Variants in DENND1A observed in about 807,000 individuals in gnomAD.
DENND1A encodes DENN domain-containing protein 1A.
DENND1A carries 51 observed loss-of-function variants against 113.7 expected under a neutral mutation model. The observed-to-expected ratio is 0.45, with a 90% CI of 0.36 to 0.57. The LOEUF is 0.57. DENND1A is among the 20% of genes least tolerant of loss of function. DENND1A has a pLI of 0.00. For synonymous variants in DENND1A, 565 were observed against 570.8 expected, an observed-to-expected ratio of 0.99 and a Z score of 0.14; for missense variants, 1,258 against 1,395.9, an observed-to-expected ratio of 0.90 and a Z score of 1.57.
intron 1 of DENND1A, among the ~76,000 whole-genome samples, chr9:123,904,680 G>A (rs569675099): frequency 0.071 from 10,674 of 150,320 alleles, 601 homozygotes; most frequent in African/African-American, 0.16. Context: ...AAAGAAATGA[G>A]CAAAGCCTCC....
At chr9:123,752,308 T>C (rs547017315) in intron 5 of DENND1A, among the ~76,000 whole-genome samples, 7 of 152,330 alleles carry the variant, frequency 4.6e-5, no homozygotes, top group African/African-American at 1.2e-4. Flanking sequence ...TCTGGGTATA[T>C]ACTAGGTACT....
intron 13 of DENND1A, among the ~76,000 whole-genome samples, chr9:123,493,915 T>C (rs940022834): frequency 1.3e-5 from 2 of 152,078 alleles, no homozygotes; most frequent in Non-Finnish European, 1.5e-5. Context: ...AGCAAACATC[T>C]TGGGAGAAGC....
chr9:123,580,055 T>C (rs2136632463), intron 12 of DENND1A, among the ~76,000 whole-genome samples: 1 of 152,304 alleles, frequency 6.6e-6, no homozygotes, highest in Admixed American at 6.5e-5. Flanking sequence ...TCAGCAACAA[T>C]TTTATTAAAA....
At chr9:123,503,046 C>G (rs1256012954) in intron 13 of DENND1A, among the ~76,000 whole-genome samples, 2 of 151,930 alleles carry the variant, frequency 1.3e-5, no homozygotes, top group African/African-American at 2.4e-5. Context: ...CCACTCACCT[C>G]TTAGGCTTTT....
chr9:123,883,536 C>G (rs1048629819), intron 1 of DENND1A, among the ~76,000 whole-genome samples: 14 of 152,176 alleles, frequency 9.2e-5, no homozygotes, highest in African/African-American at 3.1e-4. Flanking sequence ...TCTAACAAGT[C>G]TCCAAGTCAT....
intron 5 of DENND1A, among the ~76,000 whole-genome samples, chr9:123,703,533 C>G (rs1184557639): frequency 6.6e-6 from 1 of 151,904 alleles, no homozygotes; most frequent in Non-Finnish European, 1.5e-5. Context: ...AAACACACTA[C>G]TATAGAAAAA....
intron 13 of DENND1A, among the ~76,000 whole-genome samples, chr9:123,557,358 C>A (rs10986052): frequency 6.6e-6 from 1 of 152,044 alleles, no homozygotes. Context: ...CATAACAGCC[C>A]CCAGAGCAGT....
chr9:123,869,410 C>A (rs1846206816), intron 2 of DENND1A, among the ~76,000 whole-genome samples: 1 of 152,124 alleles, frequency 6.6e-6, no homozygotes, highest in East Asian at 1.9e-4. Flanking sequence ...ATTAGGCTCA[C>A]CTCCAGTTTA....
chr9:123,778,562 G>A (rs536754176), intron 3 of DENND1A, among the ~76,000 whole-genome samples: 19 of 152,240 alleles, frequency 1.2e-4, no homozygotes, highest in Non-Finnish European at 2.1e-4. Context: ...GGAAGGAGCC[G>A]GCAAACTTTT....
intron 1 of DENND1A, among the ~76,000 whole-genome samples, chr9:123,920,042 G>T (rs1855937614): frequency 6.6e-6 from 1 of 152,110 alleles, no homozygotes; most frequent in Non-Finnish European, 1.5e-5. Flanking sequence ...TGGGAATTTG[G>T]GGGCTCATTA....
At chr9:123,587,414 T>C (rs2059231567) in intron 11 of DENND1A, among the ~76,000 whole-genome samples, 1 of 152,172 alleles carries the variant, frequency 6.6e-6, no homozygotes, top group African/African-American at 2.4e-5. Flanking sequence ...AAAAGCTGGT[T>C]ACAAACAATC....
chr9:123,699,570 T>G (rs914020505), intron 5 of DENND1A, among the ~76,000 whole-genome samples: 7 of 152,106 alleles, frequency 4.6e-5, no homozygotes, highest in Non-Finnish European at 8.8e-5. Flanking sequence ...GATAATTATT[T>G]TCTTCTTCTG....
At chr9:123,435,240 G>A (rs1031263409) in intron 19 of DENND1A, among the ~76,000 whole-genome samples, 1 of 152,148 alleles carries the variant, frequency 6.6e-6, no homozygotes, top group Non-Finnish European at 1.5e-5. Context: ...ACTCTCTCAG[G>A]GCACTCAGAG....
chr9:123,541,679 A>C (rs1166398434), intron 13 of DENND1A, among the ~76,000 whole-genome samples: 1 of 152,184 alleles, frequency 6.6e-6, no homozygotes, highest in Non-Finnish European at 1.5e-5. Context: ...GGTTTCCAAA[A>C]ATCCTGCCAC....
At chr9:123,579,151 T>C (rs1042552994) in intron 12 of DENND1A, among the ~76,000 whole-genome samples, 3 of 152,238 alleles carry the variant, frequency 2.0e-5, no homozygotes, top group Non-Finnish European at 4.4e-5. Context: ...TAATTCATCA[T>C]CATCAGCTAC....
At chr9:123,583,015 C>T (rs985211491) in intron 12 of DENND1A, among the ~76,000 whole-genome samples, 154 bp downstream of exon 12, 1 of 152,188 alleles carries the variant, frequency 6.6e-6, no homozygotes, top group African/African-American at 2.4e-5. Context: ...CAACTTTCTA[C>T]ACTGAGACAA....
At chr9:123,683,610 C>A (rs2064611815) in intron 5 of DENND1A, among the ~76,000 whole-genome samples, 1 of 152,040 alleles carries the variant, frequency 6.6e-6, no homozygotes, top group South Asian at 2.1e-4. Context: ...AGCTTTTGGT[C>A]CCCATTTAAA....
At chr9:123,841,020 C>T (rs889811956) in intron 2 of DENND1A, among the ~76,000 whole-genome samples, 1 of 152,146 alleles carries the variant, frequency 6.6e-6, no homozygotes, top group Non-Finnish European at 1.5e-5. Context: ...TTCATCTCTG[C>T]CCTATTGTGA....
At chr9:123,385,353 C>CG (rs2042504844) in intron 22 of DENND1A, among the ~76,000 whole-genome samples, 3 of 152,230 alleles carry the variant, frequency 2.0e-5, no homozygotes, top group African/African-American at 7.2e-5. Flanking sequence ...TTAGTAGAGA[C>CG]GGGGTTTCAC....
Sources: allele counts gnomAD v4.1 joint callset (sites outside exome capture counted in the v4.1 genomes callset), GRCh38; gene constraint gnomAD v4.1.1; transcripts MANE v1.5; gene names NCBI Gene and HGNC (gene_info 2026-07-23, HGNC 2026-07-21).